The following ANKIB1 variants were observed in gnomAD, a reference collection of about 807,000 sequenced individuals.
ANKIB1 encodes ankyrin repeat and IBR domain containing 1.
ANKIB1 carries 43 observed loss-of-function variants against 122.1 expected under a neutral mutation model. The observed-to-expected ratio is 0.35, with a 90% CI of 0.28 to 0.45. The LOEUF is 0.45. Among genes scored for constraint, ANKIB1 ranks in the 20% least tolerant of loss-of-function variants. The pLI, the probability that ANKIB1 is intolerant of heterozygous loss-of-function variation, is 1.00. For missense variants in ANKIB1, 992 were observed against 1,329.5 expected, an observed-to-expected ratio of 0.75 and a Z score of 3.95; for synonymous variants, 390 against 442.0, an observed-to-expected ratio of 0.88 and a Z score of 1.48.
At chr7:92,385,542 T>C (rs968336664) in intron 11 of ANKIB1, among the ~76,000 whole-genome samples, 1 of 152,206 alleles carries the variant, frequency 6.6e-6, no homozygotes, top group African/African-American at 2.4e-5. Context: ...CATGGAATAC[T>C]ATGTAGCCAT....
intron 10 of ANKIB1, among the ~76,000 whole-genome samples, chr7:92,364,245 G>A (rs958173921): frequency 2.7e-5 from 4 of 149,300 alleles, no homozygotes; most frequent in Non-Finnish European, 5.9e-5. Context: ...CCCAGGAGGT[G>A]GAGGTTGCAT....
intron 1 of ANKIB1, among the ~76,000 whole-genome samples, chr7:92,247,228 A>G (rs1801136292): frequency 6.6e-6 from 1 of 152,220 alleles, no homozygotes; most frequent in Non-Finnish European, 1.5e-5. Context: ...TCTGACAGAT[A>G]AATGTAAAGA....
At chr7:92,288,817 A>G (rs560715166) in intron 1 of ANKIB1, among the ~76,000 whole-genome samples, 41 of 152,140 alleles carry the variant, frequency 2.7e-4, no homozygotes, top group African/African-American at 8.7e-4. Flanking sequence ...GTACAATACT[A>G]CTACACATCC....
intron 11 of ANKIB1, 119 bp downstream of exon 11, chr7:92,371,726 C>A: frequency 8.4e-7 from 1 of 1,184,682 alleles, no homozygotes; most frequent in South Asian, 1.6e-5. Flanking sequence ...GCCTATAATC[C>A]CAGCACTTCA....
At chr7:92,278,310 C>G (rs1214526797) in intron 1 of ANKIB1, among the ~76,000 whole-genome samples, 1 of 151,910 alleles carries the variant, frequency 6.6e-6, no homozygotes, top group Non-Finnish European at 1.5e-5. Flanking sequence ...AATGCAGAAG[C>G]TGGGCCAGCC....
At chr7:92,289,646 A>T (rs1041309942) in intron 1 of ANKIB1, among the ~76,000 whole-genome samples, 3 of 152,204 alleles carry the variant, frequency 2.0e-5, no homozygotes, top group African/African-American at 7.2e-5. Flanking sequence ...GACCAGTTGA[A>T]ATCATCTCCT....
chr7:92,297,155 T>C (rs28463248), intron 2 of ANKIB1, among the ~76,000 whole-genome samples: 2 of 152,328 alleles, frequency 1.3e-5, no homozygotes, highest in African/African-American at 4.8e-5. Context: ...GTTTATTGTC[T>C]GTATTTTATA....
intron 1 of ANKIB1, among the ~76,000 whole-genome samples, chr7:92,261,653 T>C (rs1801568104): frequency 6.6e-6 from 1 of 152,074 alleles, no homozygotes; most frequent in Non-Finnish European, 1.5e-5. Flanking sequence ...AGATTGAGAG[T>C]ATTGTTCCTG....
At chr7:92,319,829 G>C in intron 4 of ANKIB1, 1 of 223,514 alleles carries the variant, frequency 4.5e-6, no homozygotes. Context: ...TAACTACTCA[G>C]GAGGCTGAGG....
intron 9 of ANKIB1, among the ~76,000 whole-genome samples, chr7:92,361,557 A>G (rs930700631): frequency 6.6e-6 from 1 of 152,206 alleles, no homozygotes; most frequent in African/African-American, 2.4e-5. Flanking sequence ...TAAAATATTA[A>G]TGAGGATAAA....
intron 1 of ANKIB1, among the ~76,000 whole-genome samples, chr7:92,249,473 C>T (rs1762399079): frequency 6.6e-6 from 1 of 152,144 alleles, no homozygotes; most frequent in Admixed American, 6.5e-5. Context: ...GTAATCCCAG[C>T]ACTTTGGGAG....
At chr7:92,355,504 G>A (rs760209491) in intron 9 of ANKIB1, among the ~76,000 whole-genome samples, 9 of 152,014 alleles carry the variant, frequency 5.9e-5, no homozygotes, top group Non-Finnish European at 1.2e-4. Flanking sequence ...TAAACACATA[G>A]ACAGTCAAAC....
At position 92,285,180 on chromosome 7, in the gene ANKIB1, C is replaced by T. The variant is rs564321465; in HGVS notation, c.-90-9709C>T. Among the ~76,000 whole-genome samples the T allele has an allele frequency of 2.6e-5, 4 of 152,062 alleles. No homozygotes were observed. In the East Asian group the frequency reaches 7.7e-4, roughly 29 times the overall value. ...CCTTCCGGGTTCAAGCGATTTCCCGCTAATTTTTGTATTTTTAGTAGATGG... is the reference window on the plus strand; with the variant it reads ...CCTTCCGGGTTCAAGCGATTTCCCGTTAATTTTTGTATTTTTAGTAGATGG... On this transcript the variant is annotated intron_variant, in intron 1 of 19. Transcript: ENST00000265742.
At chr7:92,386,255 G>A (rs1251862944) in intron 11 of ANKIB1, among the ~76,000 whole-genome samples, 1 of 152,118 alleles carries the variant, frequency 6.6e-6, no homozygotes, top group African/African-American at 2.4e-5. Flanking sequence ...GGTTCCTTGT[G>A]ATTACTTCAT....
chr7:92,309,616 A>G (rs1298531866), intron 3 of ANKIB1, among the ~76,000 whole-genome samples: 1 of 151,978 alleles, frequency 6.6e-6, no homozygotes, highest in Non-Finnish European at 1.5e-5. Context: ...TCTGGATGGT[A>G]GCAATAGTGC....
At chr7:92,266,384 G>GTATA (rs1184979328) in intron 1 of ANKIB1, among the ~76,000 whole-genome samples, 4 of 152,250 alleles carry the variant, frequency 2.6e-5, no homozygotes, top group Non-Finnish European at 4.4e-5. Flanking sequence ...TGAAGAATAT[G>GTATA]TATATATATG....
Position 92,398,794 on chromosome 7 carries a change from GAAA to G in ANKIB1, c.3117_3119del (p.Glu1039_Asn1040delinsAsp). ...TGAAGGTAGAGGAACCCAGATAGAA[GAAA>G]ATCCTTTGGAAGAAAATATTCTGGC... On this transcript the variant is annotated inframe_deletion, in exon 20 of 20. Transcript: ENST00000265742. 1 of 1,610,980 alleles carries G rather than the reference GAAA, an allele frequency of 6.2e-7. No homozygotes were observed. Among genetic ancestry groups the G allele is most frequent in the Non-Finnish European group, 8.5e-7 (1 of 1,178,480 alleles).
chr7:92,395,587 A>G (rs1585143168), intron 17 of ANKIB1, among the ~76,000 whole-genome samples: 1 of 123,044 alleles, frequency 8.1e-6, no homozygotes, highest in African/African-American at 3.2e-5. Flanking sequence ...GTTGTTGCCC[A>G]GGCTGCAGTG....
intron 14 of ANKIB1, 80 bp downstream of exon 14, chr7:92,388,121 G>A (rs963474983): frequency 2.3e-6 from 3 of 1,283,452 alleles, no homozygotes; most frequent in Non-Finnish European, 2.2e-6. Context: ...GTTAGGCCCT[G>A]AAAGGAATAC....
Sources: gnomAD v4.1 joint callset for allele counts (sites outside exome capture counted in the v4.1 genomes callset) on GRCh38, gnomAD v4.1.1 for gene constraint, MANE v1.5 for transcripts, NCBI Gene and HGNC (gene_info 2026-07-23, HGNC 2026-07-21) for gene names.